Variants in COL6A6 observed in about 807,000 individuals in gnomAD.
The protein encoded by COL6A6 is collagen type VI alpha 6 chain, also known as collagen alpha-6(VI) chain.
In COL6A6, 183 loss-of-function variants were observed where a neutral mutation model predicts 208.6. That is an observed-to-expected ratio of 0.88 (90% CI 0.78 to 0.99). The LOEUF (loss-of-function observed/expected upper bound fraction) is 0.99. Among genes scored for constraint, COL6A6 ranks in the 50% least tolerant of loss-of-function variants. The pLI is 0.00. For synonymous variants in COL6A6, 973 were observed against 1,011.8 expected (o/e 0.96, Z 0.73); for missense variants, 2,816 against 2,815.2 (o/e 1.00, Z -0.01).
chr3:130,617,300 C>T (rs571672634), intron 23 of COL6A6, among the ~76,000 whole-genome samples: 43 of 152,260 alleles, frequency 2.8e-4, no homozygotes, highest in Middle Eastern at 6.8e-3. Context: ...TACAAACAAA[C>T]AATTGACATG....
chr3:130,641,600 A>G, intron 28 of COL6A6, 52 bp from the exon 29 acceptor site: 1 of 790,254 alleles, frequency 1.3e-6, no homozygotes, highest in Non-Finnish European at 1.9e-6. Flanking sequence ...GAATTTACAC[A>G]CACACATACA....
intron 1 of COL6A6, among the ~76,000 whole-genome samples, chr3:130,543,522 G>A (rs554472335): frequency 3.6e-4 from 54 of 151,698 alleles, no homozygotes; most frequent in Non-Finnish European, 6.8e-4. Context: ...CTTTTTTTAC[G>A]CTGTTTTTAA....
At chr3:130,580,031 A>G (rs965664133) in intron 8 of COL6A6, among the ~76,000 whole-genome samples, 2 of 152,202 alleles carry the variant, frequency 1.3e-5, no homozygotes, top group Admixed American at 1.3e-4. Context: ...AAAATACACA[A>G]TGTTTATAGG....
At chr3:130,651,004 C>T (rs964006322) in intron 33 of COL6A6, among the ~76,000 whole-genome samples, 2 of 152,160 alleles carry the variant, frequency 1.3e-5, no homozygotes, top group Non-Finnish European at 2.9e-5. Context: ...TTGAAATAAG[C>T]ATAACAGAGT....
rs761917658 is a variant in COL6A6, at chr3:130,665,032, TTAAAAA to T, written c.6537_6542del (p.Ile2180_Lys2181del). On this transcript the variant is annotated inframe_deletion, in exon 36 of 37. Coordinates refer to ENST00000358511, the MANE Select transcript of COL6A6 (RefSeq NM_001102608.3). ...AATCAACAAATATCCACCAATAAAC[TTAAAAA>T]TAAAGTGCAACAGACTTAACTCTAT... is the stretch of plus-strand genomic sequence containing the variant. 5.6e-5 allele frequency: 90 copies of T among 1,608,300 alleles called. No homozygotes were observed. In the East Asian group the frequency reaches 7.4e-4, roughly 13 times the overall value.
chr3:130,588,079 A>G (rs1211330323), intron 11 of COL6A6, among the ~76,000 whole-genome samples: 1 of 152,244 alleles, frequency 6.6e-6, no homozygotes, highest in Non-Finnish European at 1.5e-5. Flanking sequence ...GTTATCTGAT[A>G]TAAAATCATA....
chr3:130,642,739 A>C, intron 29 of COL6A6, 93 bp from the exon 30 acceptor site: 1 of 1,148,352 alleles, frequency 8.7e-7, no homozygotes, highest in Non-Finnish European at 1.2e-6. Context: ...AAACTTTTAA[A>C]AGTTATCACT....
At chr3:130,601,622 C>T (rs544353061) in intron 20 of COL6A6, among the ~76,000 whole-genome samples, 1 of 152,176 alleles carries the variant, frequency 6.6e-6, no homozygotes, top group South Asian at 2.1e-4. Context: ...TATTGCTATG[C>T]ATTATTTAAA....
intron 13 of COL6A6, among the ~76,000 whole-genome samples, chr3:130,591,548 CT>C (rs2108074264): frequency 1.3e-5 from 2 of 152,318 alleles, no homozygotes; most frequent in South Asian, 4.1e-4. Flanking sequence ...AGACCTCACA[CT>C]TTAACATACT....
chr3:130,547,340 GC>G (rs1448974039), intron 1 of COL6A6, among the ~76,000 whole-genome samples: 1 of 152,252 alleles, frequency 6.6e-6, no homozygotes, highest in African/African-American at 2.4e-5. Flanking sequence ...GGTGGCACCT[GC>G]CAGCCACTCC....
At chr3:130,560,545 T>A in intron 2 of COL6A6, 117 bp downstream of exon 2, 1 of 833,218 alleles carries the variant, frequency 1.2e-6, no homozygotes, top group Non-Finnish European at 1.9e-6. Flanking sequence ...TTGATGGTAG[T>A]GAGATTAAGG....
At chr3:130,598,643 G>T (rs1234205953) in intron 19 of COL6A6, among the ~76,000 whole-genome samples, 2 of 152,146 alleles carry the variant, frequency 1.3e-5, no homozygotes, top group African/African-American at 2.4e-5. Context: ...TAAATTTGGG[G>T]TGACTTGATT....
At chr3:130,652,119 G>A (rs1209630502) in intron 33 of COL6A6, among the ~76,000 whole-genome samples, 1 of 152,172 alleles carries the variant, frequency 6.6e-6, no homozygotes, top group African/African-American at 2.4e-5. Flanking sequence ...GATGTGTGGC[G>A]ATAGGAACAG....
At chr3:130,536,052 C>T (rs1322678771) in intron 1 of COL6A6, among the ~76,000 whole-genome samples, 3 of 152,280 alleles carry the variant, frequency 2.0e-5, no homozygotes, top group East Asian at 1.9e-4. Flanking sequence ...AGCCATTTCT[C>T]CAGGCCAGTG....
intron 21 of COL6A6, among the ~76,000 whole-genome samples, chr3:130,607,317 G>C (rs963600738): frequency 2.0e-5 from 3 of 152,008 alleles, no homozygotes; most frequent in African/African-American, 7.2e-5. Flanking sequence ...CCCCATATAA[G>C]CCAAAAGAAT....
chr3:130,664,765 A>C (rs2066030232), intron 35 of COL6A6, among the ~76,000 whole-genome samples: 1 of 152,210 alleles, frequency 6.6e-6, no homozygotes, highest in South Asian at 2.1e-4. Flanking sequence ...TTTAGCAGCT[A>C]AGAGGATCTT....
chr3:130,517,645 G>A (rs1191837295), intron 1 of COL6A6, among the ~76,000 whole-genome samples: 2 of 152,214 alleles, frequency 1.3e-5, no homozygotes, highest in Non-Finnish European at 2.9e-5. Flanking sequence ...AGAACCTACA[G>A]CACACTCTTG....
chr3:130,643,389 A>G (rs1216521244), intron 31 of COL6A6, among the ~76,000 whole-genome samples: 1 of 152,210 alleles, frequency 6.6e-6, no homozygotes, highest in Non-Finnish European at 1.5e-5. Context: ...ACCTGGCATG[A>G]AAGAAGCAGC....
Position 130,567,179 on chromosome 3 carries a change from A to G in COL6A6, c.1760A>G (p.Glu587Gly). The G allele has an allele frequency of 6.2e-7, 1 of 1,613,754 alleles. No individual in the cohort carries two copies. Among genetic ancestry groups the G allele is most frequent in the Non-Finnish European group, 8.5e-7 (1 of 1,179,876 alleles). ...CAGCTGAGAGAAATTGCAGGAGAGG[A>G]AAAGAGAGTGTATTACGTGCATGAC... ...QTQLREIAGE[E>G]KRVYYVHDFD... Residue 587 changes from glutamate (E) to glycine (G), a missense_variant, in exon 5 of 37, where the codon GAA (glutamate) becomes GGA (glycine). By Grantham distance (98) the Glu-to-Gly change is moderately conservative. Transcript: ENST00000358511.
Sources: allele counts gnomAD v4.1 joint callset (sites outside exome capture counted in the v4.1 genomes callset), GRCh38; gene constraint gnomAD v4.1.1; transcripts MANE v1.5; gene names NCBI Gene and HGNC (gene_info 2026-07-23, HGNC 2026-07-21).